Variants in DPP6 observed in about 807,000 individuals in gnomAD.
DPP6 encodes dipeptidyl peptidase like 6, also known as A-type potassium channel modulatory protein DPP6.
In DPP6, 69 loss-of-function variants were observed where a neutral mutation model predicts 122.6. That is an observed-to-expected ratio of 0.56 (90% CI 0.46 to 0.69). The LOEUF (loss-of-function observed/expected upper bound fraction) is 0.69, where lower values mean the gene tolerates loss of function less well. DPP6 is among the 30% of genes least tolerant of loss of function. The probability of loss-of-function intolerance (pLI) is 0.00; values close to 1 mark genes in which losing one functional copy is unlikely to be tolerated. For missense variants in DPP6, 928 were observed against 1,116.9 expected (o/e 0.83, Z 2.41); for synonymous variants, 418 against 433.1 (o/e 0.97, Z 0.43).
chr7:154,002,479 C>T (rs552714986), intron 1 of DPP6, among the ~76,000 whole-genome samples: 1 of 152,332 alleles, frequency 6.6e-6, no homozygotes, highest in Non-Finnish European at 1.5e-5. Flanking sequence ...ATGTCTCATT[C>T]ATTATTGTAC....
chr7:154,832,494 A>C (rs1270492131), intron 16 of DPP6, among the ~76,000 whole-genome samples: 1 of 152,168 alleles, frequency 6.6e-6, no homozygotes, highest in African/African-American at 2.4e-5. Context: ...GGAGCTCACC[A>C]TCTCCCTTCC....
At chr7:153,761,230 C>T in the DPP6 span, among the ~76,000 whole-genome samples, 1 of 152,152 alleles carries the variant, frequency 6.6e-6, no homozygotes, top group Non-Finnish European at 1.5e-5. Context: ...TCCTGTTTCT[C>T]TATTTTGACT....
the DPP6 span, among the ~76,000 whole-genome samples, chr7:153,848,268 C>G: frequency 1.2e-4 from 18 of 151,022 alleles, no homozygotes; most frequent in East Asian, 2.0e-3. Flanking sequence ...CCCCTACCCC[C>G]ACCCCAGTCC....
intron 1 of DPP6, among the ~76,000 whole-genome samples, chr7:154,245,877 G>C (rs1224938948): frequency 6.6e-6 from 1 of 152,098 alleles, no homozygotes; most frequent in Non-Finnish European, 1.5e-5. Context: ...GTAACTGTTA[G>C]AACAATTAGG....
chr7:153,922,334 C>T (rs1482841677), intron 1 of DPP6, among the ~76,000 whole-genome samples: 1 of 152,152 alleles, frequency 6.6e-6, no homozygotes, highest in East Asian at 1.9e-4. Context: ...GACCCCGTCT[C>T]TATAAAAAAT....
chr7:154,325,142 CA>C (rs1808334059), intron 1 of DPP6, among the ~76,000 whole-genome samples: 1 of 152,090 alleles, frequency 6.6e-6, no homozygotes, highest in African/African-American at 2.4e-5. Context: ...GCTGGGATTA[CA>C]GATATGAGCC....
At chr7:154,076,175 C>A (rs3901691) in intron 1 of DPP6, among the ~76,000 whole-genome samples, 4 of 151,376 alleles carry the variant, frequency 2.6e-5, no homozygotes, top group Non-Finnish European at 5.9e-5. Context: ...AAAGGCTGGG[C>A]GCAGTGCCTC....
chr7:154,245,656 A>G (rs1801937960), intron 1 of DPP6, among the ~76,000 whole-genome samples: 1 of 150,276 alleles, frequency 6.7e-6, no homozygotes, highest in Admixed American at 6.6e-5. Flanking sequence ...AAAAAAAGCT[A>G]TGGCTATGTT....
At chr7:153,757,202 A>T in the DPP6 span, among the ~76,000 whole-genome samples, 1 of 152,178 alleles carries the variant, frequency 6.6e-6, no homozygotes, top group Admixed American at 6.5e-5. Context: ...TTATTTTCCT[A>T]TTATGGAGAC....
At chr7:154,165,379 G>C (rs1040197541) in intron 1 of DPP6, among the ~76,000 whole-genome samples, 2 of 144,222 alleles carry the variant, frequency 1.4e-5, no homozygotes, top group Admixed American at 1.3e-4. Flanking sequence ...GTGTATATGT[G>C]CCACATTTTC....
intron 1 of DPP6, among the ~76,000 whole-genome samples, chr7:153,890,929 C>G (rs1799169246): frequency 6.7e-6 from 1 of 148,900 alleles, no homozygotes; most frequent in Admixed American, 6.8e-5. Context: ...AACCCCTGAC[C>G]TCAGGTAATC....
chr7:153,850,523 C>T, the DPP6 span, among the ~76,000 whole-genome samples: 1 of 152,144 alleles, frequency 6.6e-6, no homozygotes, highest in African/African-American at 2.4e-5. Flanking sequence ...ACCATAGGTC[C>T]TATTCATTCT....
chr7:153,908,151 C>T (rs541850765), intron 1 of DPP6, among the ~76,000 whole-genome samples: 5 of 149,226 alleles, frequency 3.4e-5, no homozygotes, highest in African/African-American at 1.2e-4. Context: ...TTTATAGCTT[C>T]CGTGCATCAC....
chr7:153,983,964 A>G (rs1796717906), intron 1 of DPP6, among the ~76,000 whole-genome samples: 1 of 151,576 alleles, frequency 6.6e-6, no homozygotes. Flanking sequence ...TCTCGCTGGG[A>G]GCTGCAGATC....
At chr7:154,059,712 G>A (rs1388417774) in intron 1 of DPP6, among the ~76,000 whole-genome samples, 2 of 150,856 alleles carry the variant, frequency 1.3e-5, no homozygotes, top group East Asian at 3.9e-4. Context: ...CCAGCCCTGG[G>A]GCTACCCGAT....
chr7:154,298,072 C>T (rs148582305), intron 1 of DPP6, among the ~76,000 whole-genome samples: 52 of 152,248 alleles, frequency 3.4e-4, no homozygotes, highest in African/African-American at 1.1e-3. Context: ...GGGTGGGCCT[C>T]GTCCGATTAG....
intron 5 of DPP6, among the ~76,000 whole-genome samples, chr7:154,629,058 A>G (rs1439291173): frequency 6.6e-6 from 1 of 152,170 alleles, no homozygotes; most frequent in Non-Finnish European, 1.5e-5. Context: ...CATTGCTTTC[A>G]TGAAGTGTCT....
chr7:153,802,333 C>T, the DPP6 span, among the ~76,000 whole-genome samples: 1 of 152,196 alleles, frequency 6.6e-6, no homozygotes, highest in African/African-American at 2.4e-5. Context: ...CCTGTGCCTA[C>T]TGGTGGGGAA....
intron 7 of DPP6, among the ~76,000 whole-genome samples, chr7:154,713,980 G>C (rs1443745069): frequency 6.6e-6 from 1 of 152,108 alleles, no homozygotes; most frequent in African/African-American, 2.4e-5. Context: ...TCTTCCTCTA[G>C]ATACTTTAAA....
Sources: allele counts gnomAD v4.1 joint callset (sites outside exome capture counted in the v4.1 genomes callset), GRCh38; gene constraint gnomAD v4.1.1; transcripts MANE v1.5; gene names NCBI Gene and HGNC (gene_info 2026-07-23, HGNC 2026-07-21).